Variants in GFOD1 observed in about 807,000 individuals in gnomAD.
GFOD1 encodes Gfo/Idh/MocA-like oxidoreductase domain containing 1.
In GFOD1, 9 loss-of-function variants were observed where a neutral mutation model predicts 25.4. The observed-to-expected ratio is 0.35, with a 90% CI of 0.21 to 0.62. The LOEUF (loss-of-function observed/expected upper bound fraction) is 0.62, where lower values mean the gene tolerates loss of function less well. Ranked by LOEUF, GFOD1 falls within the 20% of genes least tolerant of loss-of-function variation. The probability of loss-of-function intolerance (pLI) is 0.72; values close to 1 mark genes in which losing one functional copy is unlikely to be tolerated. For missense variants in GFOD1, 403 were observed against 556.9 expected, an observed-to-expected ratio of 0.72 and a Z score of 2.78; for synonymous variants, 253 against 245.6, an observed-to-expected ratio of 1.03 and a Z score of -0.28.
At chr6:13,473,813 T>C (rs1758558455) in intron 1 of GFOD1, among the ~76,000 whole-genome samples, 1 of 152,148 alleles carries the variant, frequency 6.6e-6, no homozygotes, top group Non-Finnish European at 1.5e-5. Flanking sequence ...CTCTCAGGAA[T>C]GCCCCTTTCC....
Position 13,469,520 on chromosome 6 carries a change from T to C in GFOD1, c.253+17118A>G, listed in dbSNP as rs536745889. 2.6e-5 allele frequency: 26 copies of C among 1,014,762 alleles called. 1 individual carries two copies. The East Asian group carries it at 3.6e-4, about 14-fold the overall frequency. 62.9% of individuals were successfully genotyped at this position (1,014,762 alleles called of 1,614,324 possible). A position where few individuals can be genotyped will look rare whatever the true frequency, so the allele number is the denominator to read the frequency against. ...ATATGGCCTTTGTTCATACAGACCA[T>C]TGATACTGCAGCACATTATACTGGA... On this transcript the variant is annotated intron_variant, in intron 1 of 1. Transcript: ENST00000379287.
chr6:13,409,201 G>GAAAGAAAGAAAGAAATAA (rs375074286), intron 1 of GFOD1, among the ~76,000 whole-genome samples: 1 of 48,070 alleles, frequency 2.1e-5, no homozygotes. Context: ...AAGAAAGAAA[G>GAAAGAAAGAAAGAAATAA]AGAAAGAAGG....
chr6:13,473,370 T>A (rs374553716), intron 1 of GFOD1, among the ~76,000 whole-genome samples: 2 of 152,202 alleles, frequency 1.3e-5, no homozygotes, highest in South Asian at 2.1e-4. Flanking sequence ...AGAGCTGTCT[T>A]GACAGCATTA....
At chr6:13,413,384 G>A (rs137990121) in intron 1 of GFOD1, among the ~76,000 whole-genome samples, 12 of 152,304 alleles carry the variant, frequency 7.9e-5, no homozygotes, top group African/African-American at 2.9e-4. Flanking sequence ...CAGCACAGCT[G>A]GAGTCAGCAT....
At chr6:13,399,442 T>C (rs1435176070) in intron 1 of GFOD1, among the ~76,000 whole-genome samples, 1 of 152,164 alleles carries the variant, frequency 6.6e-6, no homozygotes, top group African/African-American at 2.4e-5. Flanking sequence ...TTTGTTGCAG[T>C]TGTATTTATA....
At chr6:13,414,705 G>A (rs1209295267) in intron 1 of GFOD1, among the ~76,000 whole-genome samples, 3 of 152,190 alleles carry the variant, frequency 2.0e-5, no homozygotes, top group African/African-American at 7.2e-5. Flanking sequence ...CTTGATAAAT[G>A]TTGGCTATTA....
chr6:13,420,420 G>A (rs905642289), intron 1 of GFOD1, among the ~76,000 whole-genome samples: 8 of 152,160 alleles, frequency 5.3e-5, no homozygotes, highest in African/African-American at 1.9e-4. Context: ...TCTTTCCAAG[G>A]AAGAGCTCAT....
chr6:13,442,315 C>T (rs139556531), intron 1 of GFOD1, among the ~76,000 whole-genome samples: 32 of 152,234 alleles, frequency 2.1e-4, no homozygotes, highest in African/African-American at 5.8e-4. Context: ...AAGGTTTATG[C>T]GACCCTGCGT....
At chr6:13,470,477 TGGG>T in intron 1 of GFOD1, 4 of 1,550,118 alleles carry the variant, frequency 2.6e-6, no homozygotes, top group South Asian at 1.2e-5. Flanking sequence ...ACCTGTCCCC[TGGG>T]ACTCTCCAAG....
chr6:13,456,299 T>C (rs531105895), intron 1 of GFOD1, among the ~76,000 whole-genome samples: 3 of 152,268 alleles, frequency 2.0e-5, no homozygotes, highest in East Asian at 1.9e-4. Flanking sequence ...CTCAGCCTCC[T>C]GAGTAGCTGG....
chr6:13,452,732 G>A (rs981759443), intron 1 of GFOD1, among the ~76,000 whole-genome samples: 1 of 152,170 alleles, frequency 6.6e-6, no homozygotes, highest in Non-Finnish European at 1.5e-5. Flanking sequence ...AGGATCGGCT[G>A]AGCCAAGCAG....
At chr6:13,477,837 G>A (rs1018542821) in intron 1 of GFOD1, among the ~76,000 whole-genome samples, 4 of 151,974 alleles carry the variant, frequency 2.6e-5, no homozygotes, top group Non-Finnish European at 5.9e-5. Flanking sequence ...AGACTGAGGC[G>A]GGTGGATCAC....
At position 13,470,023 on chromosome 6, in the gene GFOD1, C is replaced by T. The variant is rs765343567; in HGVS notation, c.253+16615G>A. 14 of 1,360,752 alleles carry T rather than the reference C, an allele frequency of 1.0e-5. No homozygotes were observed. The South Asian group carries it at 1.5e-4, about 15-fold the overall frequency. The allele number at this position is 1,360,752 out of a possible 1,614,324, so 84.3% of individuals were successfully genotyped here. A position where few individuals can be genotyped will look rare whatever the true frequency, so the allele number is the denominator to read the frequency against. On this transcript the variant is annotated intron_variant, in intron 1 of 1. Coordinates refer to ENST00000379287, the MANE Select transcript of GFOD1 (RefSeq NM_018988.4). ...TATGCCTTTGACCTTTTCTAACTCCCCATGACTGAGAATATTTCCTTACAC... is the reference window on the plus strand; with the variant it reads ...TATGCCTTTGACCTTTTCTAACTCCTCATGACTGAGAATATTTCCTTACAC...
At chr6:13,391,511 C>CAAAAAAAAAAAAAAAAAAAA (rs57340590) in intron 1 of GFOD1, among the ~76,000 whole-genome samples, 13 of 108,658 alleles carry the variant, frequency 1.2e-4, no homozygotes, top group Admixed American at 1.1e-4. Flanking sequence ...AACAAACAAA[C>CAAAAAAAAAAAAAAAAAAAA]AAAAAAAAAA....
chr6:13,480,066 A>G (rs549513083), intron 1 of GFOD1, among the ~76,000 whole-genome samples: 1 of 152,034 alleles, frequency 6.6e-6, no homozygotes, highest in East Asian at 1.9e-4. Context: ...TTGCTCCCTC[A>G]CCTCTGTTCC....
intron 1 of GFOD1, among the ~76,000 whole-genome samples, chr6:13,482,315 AT>A (rs1758770653): frequency 6.7e-6 from 1 of 148,824 alleles, no homozygotes; most frequent in African/African-American, 2.4e-5. Context: ...TATGTAATAA[AT>A]TTAATACATT....
At chr6:13,425,358 G>T (rs1285543155) in intron 1 of GFOD1, among the ~76,000 whole-genome samples, 1 of 152,112 alleles carries the variant, frequency 6.6e-6, no homozygotes, top group Admixed American at 6.5e-5. Flanking sequence ...TAAGTCACTT[G>T]TTCCGGGTCC....
chr6:13,456,137 T>C (rs1285543504), intron 1 of GFOD1, among the ~76,000 whole-genome samples: 3 of 152,204 alleles, frequency 2.0e-5, no homozygotes, highest in African/African-American at 7.2e-5. Context: ...ATGAGGCTTC[T>C]AAGAGACTCC....
chr6:13,476,482 T>TA (rs2127578659), intron 1 of GFOD1, among the ~76,000 whole-genome samples: 1 of 152,380 alleles, frequency 6.6e-6, no homozygotes, highest in South Asian at 2.1e-4. Flanking sequence ...GGAAATGTTT[T>TA]AGTGTGTTGA....
Sources: gnomAD v4.1 joint callset for allele counts (sites outside exome capture counted in the v4.1 genomes callset) on GRCh38, gnomAD v4.1.1 for gene constraint, MANE v1.5 for transcripts, NCBI Gene and HGNC (gene_info 2026-07-23, HGNC 2026-07-21) for gene names.